The following MAF variants were observed in gnomAD, a reference collection of about 807,000 sequenced individuals.
The protein encoded by MAF is MAF bZIP transcription factor.
A neutral mutation model predicts 22.0 loss-of-function variants in MAF; 10 were observed. The ratio of observed to expected loss-of-function variants is 0.45; its 90% CI spans 0.28 to 0.77. MAF has a LOEUF of 0.77. Among genes scored for constraint, MAF ranks in the 30% least tolerant of loss-of-function variants. MAF has a pLI of 0.12. For missense variants in MAF, 544 were observed against 548.4 expected (o/e 0.99, Z 0.08); for synonymous variants, 337 against 255.8 (o/e 1.32, Z -3.03).
chr16:79,438,031 G>A, the MAF span, among the ~76,000 whole-genome samples: 4 of 152,276 alleles, frequency 2.6e-5, no homozygotes, highest in South Asian at 8.3e-4. Context: ...TTCTGGGGCT[G>A]GAATGCCATC....
the MAF span, among the ~76,000 whole-genome samples, chr16:79,338,815 A>G: frequency 4.6e-5 from 7 of 152,164 alleles, no homozygotes; most frequent in Admixed American, 2.0e-4. Flanking sequence ...GTTTAAGAAA[A>G]GGGGAAATCC....
chr16:79,342,237 G>A, the MAF span, among the ~76,000 whole-genome samples: 1 of 152,140 alleles, frequency 6.6e-6, no homozygotes, highest in Non-Finnish European at 1.5e-5. Flanking sequence ...CACACAGCCT[G>A]CTTCACTTTC....
At chr16:79,587,310 G>A (rs899551199) in intron 1 of MAF, among the ~76,000 whole-genome samples, 4 of 151,882 alleles carry the variant, frequency 2.6e-5, no homozygotes, top group Non-Finnish European at 4.4e-5. Context: ...AAAATAATAG[G>A]AAAGAAACAA....
chr16:79,423,143 G>A, the MAF span, among the ~76,000 whole-genome samples: 1 of 152,188 alleles, frequency 6.6e-6, no homozygotes, highest in Non-Finnish European at 1.5e-5. Flanking sequence ...TGAGCAACAT[G>A]TTTTAGAATA....
chr16:79,599,583 C>G lies in MAF; in HGVS notation c.320G>C (p.Gly107Ala), dbSNP rs11549798. ...YPQQLNPEAL[G>A]FSPEDAVEAL... is the part of the protein sequence containing the mutation. ...CTCGACCGCGTCCTCGGGGCTGAAG[C>G]CCAGCGCCTCGGGGTTCAGCTGCTG... The change falls in exon 1 of 2, where the codon GGC (glycine) becomes GCC (alanine). Residue 107 changes from glycine to alanine, a missense_variant. Around this residue, in one of 5 missense-constraint regions of MAF, gnomAD observed 342 missense variants for 315.5 expected, o/e 1.08. Transcript: ENST00000326043. The G allele has an allele frequency of 3.7e-6, 6 of 1,605,448 alleles. No individual in the cohort carries two copies. The highest frequency in any genetic ancestry group is 5.1e-6 in the Non-Finnish European group (6 of 1,176,916).
chr16:79,257,048 G>C, the MAF span, among the ~76,000 whole-genome samples: 1,585 of 152,136 alleles, frequency 0.01, 12 homozygotes, highest in Admixed American at 0.021. Context: ...ATGGTGGTGG[G>C]CGCCTGTAGT....
chr16:79,547,904 G>GAC, the MAF span, among the ~76,000 whole-genome samples: 4 of 134,990 alleles, frequency 3.0e-5, no homozygotes, highest in Non-Finnish European at 6.4e-5. Context: ...GTGTGTGTGA[G>GAC]AGAGAGAGAG....
the MAF span, among the ~76,000 whole-genome samples, chr16:79,469,358 C>T: frequency 5.3e-5 from 8 of 152,150 alleles, no homozygotes; most frequent in African/African-American, 1.9e-4. Flanking sequence ...TGGTTAAAAA[C>T]ATAAGCTCGG....
At chr16:79,257,042 T>C in the MAF span, among the ~76,000 whole-genome samples, 1 of 151,864 alleles carries the variant, frequency 6.6e-6, no homozygotes, top group African/African-American at 2.4e-5. Flanking sequence ...CCAGGTATGG[T>C]GGTGGGCGCC....
chr16:79,577,597 G>A, the MAF span, among the ~76,000 whole-genome samples: 4 of 152,086 alleles, frequency 2.6e-5, no homozygotes, highest in Non-Finnish European at 5.9e-5. Context: ...GCAGGGCTTC[G>A]GGAACATCAC....
chr16:79,502,708 A>T, the MAF span, among the ~76,000 whole-genome samples: 3,212 of 32,956 alleles, frequency 0.097, 187 homozygotes, highest in Admixed American at 0.14. Flanking sequence ...TATAAATATA[A>T]ATATATATAT....
At chr16:79,562,312 G>A in the MAF span, among the ~76,000 whole-genome samples, 10 of 152,124 alleles carry the variant, frequency 6.6e-5, no homozygotes, top group Admixed American at 6.5e-4. Flanking sequence ...GGTTTGTTTT[G>A]TTCCCATTGA....
the MAF span, among the ~76,000 whole-genome samples, chr16:79,470,042 C>G: frequency 6.6e-6 from 1 of 152,210 alleles, no homozygotes; most frequent in Non-Finnish European, 1.5e-5. Flanking sequence ...GCGGTCTGCT[C>G]CTTCTGCTCG....
chr16:79,378,615 G>C, the MAF span, among the ~76,000 whole-genome samples: 3 of 152,090 alleles, frequency 2.0e-5, no homozygotes, highest in Admixed American at 6.6e-5. Context: ...GGGAATAAAT[G>C]TTTACCCATA....
chr16:79,297,530 C>A, the MAF span, among the ~76,000 whole-genome samples: 3 of 152,174 alleles, frequency 2.0e-5, no homozygotes, highest in Non-Finnish European at 4.4e-5. Context: ...TTTGGGCGAA[C>A]TACTGAACTG....
chr16:79,294,772 G>A, the MAF span, among the ~76,000 whole-genome samples: 2 of 152,138 alleles, frequency 1.3e-5, no homozygotes, highest in South Asian at 4.1e-4. Context: ...GTTGCACAGG[G>A]CCAACTCTCT....
At chr16:79,377,862 G>C in the MAF span, among the ~76,000 whole-genome samples, 1 of 152,006 alleles carries the variant, frequency 6.6e-6, no homozygotes, top group Non-Finnish European at 1.5e-5. Context: ...ATTTCTGAGG[G>C]CTCTGTTCTG....
the MAF span, among the ~76,000 whole-genome samples, chr16:79,334,289 T>C: frequency 6.6e-6 from 1 of 152,130 alleles, no homozygotes. Flanking sequence ...TGCTGAGTCA[T>C]GCAAAAACAT....
chr16:79,421,876 C>G, the MAF span, among the ~76,000 whole-genome samples: 1 of 152,156 alleles, frequency 6.6e-6, no homozygotes, highest in African/African-American at 2.4e-5. Context: ...CTCCCAGGTT[C>G]CAGCCATTCT....
Sources: allele counts gnomAD v4.1 joint callset (sites outside exome capture counted in the v4.1 genomes callset), GRCh38; gene constraint gnomAD v4.1.1; regional missense constraint gnomAD v4.1.1; transcripts MANE v1.5; gene names NCBI Gene and HGNC (gene_info 2026-07-23, HGNC 2026-07-21).